ZNF518A: variants seen among roughly 807,000 people sequenced by gnomAD.
ZNF518A encodes zinc finger protein 518A.
A neutral mutation model predicts 102.7 loss-of-function variants in ZNF518A; 47 were observed. That is an observed-to-expected ratio of 0.46 (90% CI 0.36 to 0.58). The LOEUF (loss-of-function observed/expected upper bound fraction) is 0.58, where lower values mean the gene tolerates loss of function less well. ZNF518A is among the 20% of genes least tolerant of loss of function. ZNF518A has a pLI of 0.00. For missense variants in ZNF518A, 1,793 were observed against 1,699.8 expected, an observed-to-expected ratio of 1.05 and a Z score of -0.96; for synonymous variants, 652 against 594.6, an observed-to-expected ratio of 1.10 and a Z score of -1.40.
intron 1 of ZNF518A, among the ~76,000 whole-genome samples, chr10:96,173,037 G>C (rs2083182666): frequency 6.6e-6 from 1 of 152,064 alleles, no homozygotes. Context: ...AAACAATACA[G>C]TATAACAACT....
chr10:96,133,044 CTAAAA>C (rs1280658579), intron 2 of ZNF518A: 2 of 151,954 alleles, frequency 1.3e-5, no homozygotes, highest in Non-Finnish European at 2.9e-5. Context: ...TATTTTTTGG[CTAAAA>C]TAAAATACTT....
Position 96,155,377 on chromosome 10 carries a change from G to A in ZNF518A, c.-251+1G>A, listed in dbSNP as rs1345646486. 6.6e-6 allele frequency: 1 copy of A among 152,192 alleles called. No individual in the cohort carries two copies. Among genetic ancestry groups the A allele is most frequent in the African/African-American group, 2.4e-5 (1 of 41,438 alleles). 9.4% of individuals were successfully genotyped at this position (152,192 alleles called of 1,614,324 possible). A position where few individuals can be genotyped will look rare whatever the true frequency, so the allele number is the denominator to read the frequency against. On this transcript the variant is annotated splice_donor_variant, in intron 4 of 5. Transcript: ENST00000316045. LOFTEE classifies it low-confidence loss of function (5UTR_SPLICE). Reference sequence around the variant, plus strand: ...AGACTTGTCTAAAGTAACATGACCAGTAAGTGCTTGAATTAATGCAGGTAG... The same window carrying A: ...AGACTTGTCTAAAGTAACATGACCAATAAGTGCTTGAATTAATGCAGGTAG...
At chr10:96,165,470 CAAAA>C (rs35332637), downstream of ZNF518A, among the ~76,000 whole-genome samples, 111 of 112,364 alleles carry the variant, frequency 9.9e-4, no homozygotes, top group African/African-American at 2.3e-3. Flanking sequence ...CAACAACAAC[CAAAA>C]AAAAAAAAAA....
intron 1 of ZNF518A, among the ~76,000 whole-genome samples, chr10:96,201,929 C>T (rs2083653170): frequency 2.0e-5 from 3 of 151,998 alleles, no homozygotes; most frequent in African/African-American, 7.3e-5. Context: ...GTCATAAATG[C>T]TATGAAGAAA....
At position 96,179,878 on chromosome 10, in the gene ZNF518A, T is replaced by C. The variant is rs1316313855; in HGVS notation, n.36-23696T>C. ...TCTTCTTTTTTTCTTCTTCTTTCTT[T>C]CTTTCATTTTTTTTTTTTGACATGG... is the stretch of plus-strand genomic sequence containing the variant. On this transcript the variant is annotated intron_variant and non_coding_transcript_variant, in intron 1 of 2. Transcript: ENST00000442635. Among the ~76,000 whole-genome samples, 38 of 132,190 alleles carry C rather than the reference T, an allele frequency of 2.9e-4. 1 individual carries two copies. Among genetic ancestry groups the C allele is most frequent in the African/African-American group, 1.1e-3 (37 of 35,074 alleles). 86.7% of individuals were successfully genotyped at this position (132,190 alleles called of 152,430 possible).
At chr10:96,186,423 G>C (rs1398730897) in intron 1 of ZNF518A, among the ~76,000 whole-genome samples, 1 of 151,600 alleles carries the variant, frequency 6.6e-6, no homozygotes, top group Non-Finnish European at 1.5e-5. Context: ...TTTTTTGACG[G>C]AGTCTCTCTC....
At position 96,159,905 on chromosome 10, in the gene ZNF518A, T is replaced by G. The variant is rs1554886616; in HGVS notation, c.3583T>G (p.Phe1195Val). ...KEPESRDALP[F>V]LLDDLMPANE... ...GCCAGAATCTAGAGATGCCTTACCCTTCTTACTAGATGACTTAATGCCAGC... is the reference window on the plus strand; with the variant it reads ...GCCAGAATCTAGAGATGCCTTACCCGTCTTACTAGATGACTTAATGCCAGC... The change falls in exon 6 of 6, where the codon TTC becomes GTC. Residue 1195 changes from phenylalanine (F) to valine (V), a missense_variant. Phe to Val is a conservative substitution (Grantham distance 50). Transcript: ENST00000316045. The G allele has an allele frequency of 3.7e-6, 6 of 1,613,408 alleles. No homozygotes were observed. In the Admixed American group the frequency reaches 5.0e-5, roughly 13 times the overall value.
At chr10:96,183,993 G>T (rs1361280988) in intron 1 of ZNF518A, among the ~76,000 whole-genome samples, 1 of 152,164 alleles carries the variant, frequency 6.6e-6, no homozygotes, top group African/African-American at 2.4e-5. Context: ...GAATCTGGGT[G>T]CTCCCGTATT....
Position 96,160,164 on chromosome 10 carries a change from G to A in ZNF518A, c.3842G>A (p.Cys1281Tyr), listed in dbSNP as rs376110821. Reference sequence around the variant, plus strand: ...AGAAACAGAAACTGTAAACGAAAGTGTAGGGATAGTTACCAAGAACCTCCA... The same window carrying A: ...AGAAACAGAAACTGTAAACGAAAGTATAGGGATAGTTACCAAGAACCTCCA... ...VSRNRNCKRK[C>Y]RDSYQEPPRR... The change falls in exon 6 of 6, where the codon TGT (cysteine) becomes TAT (tyrosine). Residue 1281 changes from cysteine to tyrosine, a missense_variant. Transcript: ENST00000316045. The A allele has an allele frequency of 1.9e-6, 3 of 1,609,796 alleles. No individual in the cohort carries two copies. The highest frequency in any genetic ancestry group is 1.7e-5 in the Admixed American group (1 of 59,094).
At chr10:96,142,372 G>A (rs1844812407) in intron 3 of ZNF518A, among the ~76,000 whole-genome samples, 1 of 144,180 alleles carries the variant, frequency 6.9e-6, no homozygotes, top group Non-Finnish European at 1.5e-5. Flanking sequence ...ATTCCTTTTA[G>A]CAGAACCTTA....
chr10:96,149,112 C>T (rs1335700584), intron 3 of ZNF518A, among the ~76,000 whole-genome samples: 1 of 152,090 alleles, frequency 6.6e-6, no homozygotes, highest in Non-Finnish European at 1.5e-5. Context: ...AAAATGAAGA[C>T]ATACAAAACA....
chr10:96,157,733 G>A lies in ZNF518A; in HGVS notation c.1411G>A (p.Gly471Ser). The A allele has an allele frequency of 6.2e-7, 1 of 1,613,904 alleles. No individual in the cohort carries two copies. Among genetic ancestry groups the A allele is most frequent in the Non-Finnish European group, 8.5e-7 (1 of 1,179,806 alleles). Residue 471 changes from glycine (G) to serine (S), a missense_variant, in exon 6 of 6, where the codon GGC (glycine) becomes AGC (serine). Gly to Ser is a moderately conservative substitution (Grantham distance 56). Coordinates refer to ENST00000316045, the MANE Select transcript of ZNF518A (RefSeq NM_001330736.2). Reference protein sequence around the residue: ...VPIKQNVCSPGSQSGAAKDGT... With the variant: ...VPIKQNVCSPSSQSGAAKDGT... ...TATCAAACAAAATGTATGTTCACCA[G>A]GCTCACAGTCAGGTGCTGCAAAGGA...
At chr10:96,187,084 A>G (rs2083276058) in intron 1 of ZNF518A, among the ~76,000 whole-genome samples, 1 of 152,218 alleles carries the variant, frequency 6.6e-6, no homozygotes, top group South Asian at 2.1e-4. Context: ...TCAGATTCTC[A>G]AAGAATTTTG....
intron 1 of ZNF518A, among the ~76,000 whole-genome samples, chr10:96,188,979 C>A (rs1455275432): frequency 2.0e-5 from 3 of 152,184 alleles, no homozygotes; most frequent in African/African-American, 7.2e-5. Context: ...CCCAGGCCTA[C>A]AGATGCATCA....
intron 1 of ZNF518A, among the ~76,000 whole-genome samples, chr10:96,132,014 T>A (rs1415367190): frequency 6.7e-6 from 1 of 149,046 alleles, no homozygotes; most frequent in African/African-American, 2.5e-5. Flanking sequence ...TAATACTACT[T>A]TTTTTTTTTT....
At chr10:96,153,442 A>G (rs1412406831) in intron 3 of ZNF518A, among the ~76,000 whole-genome samples, 1 of 152,226 alleles carries the variant, frequency 6.6e-6, no homozygotes, top group Non-Finnish European at 1.5e-5. Flanking sequence ...TTCCCCATGC[A>G]ACAAGTTGAA....
downstream of ZNF518A, chr10:96,204,583 G>A: frequency 6.2e-7 from 1 of 1,614,094 alleles, no homozygotes; most frequent in Non-Finnish European, 8.5e-7. Context: ...TCTGTGACTT[G>A]ACCCTCGGTG....
intron 3 of ZNF518A, among the ~76,000 whole-genome samples, chr10:96,150,517 G>T: frequency 6.8e-6 from 1 of 147,484 alleles, no homozygotes; most frequent in African/African-American, 2.5e-5. Flanking sequence ...TTTGGAGAGC[G>T]TTTGATTTTA....
At position 96,157,746 on chromosome 10, in the gene ZNF518A, G is replaced by A. The variant is rs1160858114; in HGVS notation, c.1424G>A (p.Gly475Asp). The change falls in exon 6 of 6, where the codon GGT becomes GAT. Residue 475 changes from glycine to aspartate, a missense_variant. Transcript: ENST00000316045. Reference sequence around the variant, plus strand: ...GTATGTTCACCAGGCTCACAGTCAGGTGCTGCAAAGGACGGTACTGCTAAT... The same window carrying A: ...GTATGTTCACCAGGCTCACAGTCAGATGCTGCAAAGGACGGTACTGCTAAT... ...QNVCSPGSQSGAAKDGTANLQ... is the reference protein window; with the variant it reads ...QNVCSPGSQSDAAKDGTANLQ... 1.9e-6 allele frequency: 3 copies of A among 1,613,880 alleles called. No homozygotes were observed. The East Asian group carries it at 6.7e-5, about 36-fold the overall frequency.
Sources: gnomAD v4.1 joint callset for allele counts (sites outside exome capture counted in the v4.1 genomes callset) on GRCh38, gnomAD v4.1.1 for gene constraint, MANE v1.5 for transcripts, NCBI Gene and HGNC (gene_info 2026-07-23, HGNC 2026-07-21) for gene names.